PPP1R37: variants seen among roughly 807,000 people sequenced by gnomAD.
The protein encoded by PPP1R37 is protein phosphatase 1 regulatory subunit 37, also known as leucine rich repeat containing 68.
PPP1R37 carries 21 observed loss-of-function variants against 61.0 expected under a neutral mutation model. The observed-to-expected ratio is 0.34, with a 90% CI of 0.24 to 0.50. The LOEUF is 0.50. Among genes scored for constraint, PPP1R37 ranks in the 20% least tolerant of loss-of-function variants. PPP1R37 has a pLI of 0.98. For missense variants in PPP1R37, 910 were observed against 952.7 expected, an observed-to-expected ratio of 0.96 and a Z score of 0.59; for synonymous variants, 443 against 433.5, an observed-to-expected ratio of 1.02 and a Z score of -0.27.
At position 45,145,468 on chromosome 19, in the gene PPP1R37, C is replaced by G. The variant is rs935211194; in HGVS notation, c.1412C>G (p.Ser471Trp). 6.5e-7 allele frequency: 1 copy of G among 1,535,042 alleles called. No homozygotes were observed. The highest frequency in any genetic ancestry group is 1.2e-5 in the South Asian group (1 of 84,022). Residue 471 changes from serine to tryptophan, a missense_variant, in exon 11 of 13, where the codon TCG (serine) becomes TGG (tryptophan). By Grantham distance (177) the Ser-to-Trp change is radical. Coordinates refer to ENST00000221462, the MANE Select transcript of PPP1R37 (RefSeq NM_019121.2). ...GAGAAGGAGCAGCCGCCACAGCTGT[C>G]GGCCTCCATGCCTGAGACCACCGCC... ...REEKEQPPQLSASMPETTATE... is the reference protein window; with the variant it reads ...REEKEQPPQLWASMPETTATE...
chr19:45,141,695 G>A (rs10423079), intron 5 of PPP1R37, among the ~76,000 whole-genome samples: 5,369 of 152,282 alleles, frequency 0.035, 311 homozygotes, highest in African/African-American at 0.12. Context: ...TCATCCTTCT[G>A]TAATGTCATC....
intron 1 of PPP1R37, chr19:45,128,624 A>G (rs879207281): frequency 1.8e-5 from 23 of 1,265,410 alleles, no homozygotes; most frequent in South Asian, 1.7e-4. Context: ...CCTCCTTCCC[A>G]ATGCAGTGCT....
Position 45,142,199 on chromosome 19 carries a change from C to T in PPP1R37, c.706C>T (p.Leu236Phe). The change falls in exon 6 of 13, where the codon CTC becomes TTC. Residue 236 changes from leucine to phenylalanine, a missense_variant. By Grantham distance (22) the Leu-to-Phe change is conservative. This residue lies in a region of PPP1R37 where 280 missense variants were observed against 382.2 expected (regional missense o/e 0.73). Transcript: ENST00000221462. The stretch of plus-strand genomic sequence containing the variant: ...GAACGCCAGCCTGTCGGGGCGGCCC[C>T]TCATGCTGCTCGGTGAGCCCCAAGC... ...LENASLSGRPLMLLATALKMN... is the reference protein window; with the variant it reads ...LENASLSGRPFMLLATALKMN... The T allele has an allele frequency of 1.3e-6, 2 of 1,534,464 alleles. No individual in the cohort carries two copies. Among genetic ancestry groups the T allele is most frequent in the South Asian group, 2.4e-5 (2 of 83,836 alleles).
chr19:45,109,717 C>T (rs1968176365), intron 1 of PPP1R37, among the ~76,000 whole-genome samples: 1 of 152,192 alleles, frequency 6.6e-6, no homozygotes, highest in African/African-American at 2.4e-5. Context: ...GCCTGGACTC[C>T]CTCGTCTCCC....
chr19:45,146,245 T>TGTAC, intron 11 of PPP1R37, 145 bp from the exon 12 acceptor site: 1 of 859,586 alleles, frequency 1.2e-6, no homozygotes, highest in Non-Finnish European at 1.8e-6. Flanking sequence ...TGGGGGGGCA[T>TGTAC]GTAAGGTGTG....
intron 1 of PPP1R37, among the ~76,000 whole-genome samples, chr19:45,122,418 G>A (rs549023214): frequency 4.3e-4 from 65 of 152,242 alleles, no homozygotes; most frequent in African/African-American, 1.5e-3. Context: ...CATATTTATT[G>A]AGCACTTACT....
chr19:45,116,863 G>A (rs369822486), intron 1 of PPP1R37, among the ~76,000 whole-genome samples: 45 of 152,164 alleles, frequency 3.0e-4, no homozygotes, highest in African/African-American at 1.0e-3. Context: ...ATGGGGATGG[G>A]GGTGCTGCTA....
intron 1 of PPP1R37, among the ~76,000 whole-genome samples, chr19:45,115,639 G>A (rs1183062931): frequency 6.6e-6 from 1 of 152,156 alleles, no homozygotes; most frequent in Non-Finnish European, 1.5e-5. Flanking sequence ...AAATGAGGTA[G>A]TATATGTAAG....
chr19:45,130,232 C>T lies in PPP1R37; in HGVS notation c.203-8282C>T, dbSNP rs141246522. 1.3e-4 allele frequency among the ~76,000 whole-genome samples: 20 copies of T among 152,266 alleles called. No homozygotes were observed. The highest frequency in any genetic ancestry group is 4.1e-4 in the African/African-American group (17 of 41,544). ...TGCCATTCCTGACTGCCAACCTGCA[C>T]GATCAGGTCCCCTCCCCGTGAGTAC... On this transcript the variant is annotated intron_variant, in intron 1 of 12. Coordinates refer to ENST00000221462, the MANE Select transcript of PPP1R37 (RefSeq NM_019121.2). This position sits in a 1 kb window ranked among gnomAD's most constrained non-coding sequence, Gnocchi z 4.4.
chr19:45,123,168 G>T (rs1968362151), intron 1 of PPP1R37, among the ~76,000 whole-genome samples: 1 of 146,908 alleles, frequency 6.8e-6, no homozygotes, highest in Non-Finnish European at 1.5e-5. Context: ...CTCACTGATT[G>T]TGCAGAAGGC....
chr19:45,146,741 T>A lies in PPP1R37; in HGVS notation c.*179T>A. ...GTGCAGGAGCTACAGGGAGTGGCCC[T>A]CCGCGCGTGACTCAAGCACTTCTAT... On this transcript the variant is annotated 3_prime_UTR_variant, in exon 13 of 13. Coordinates refer to ENST00000221462, the MANE Select transcript of PPP1R37 (RefSeq NM_019121.2). The A allele has an allele frequency of 4.7e-6, 2 of 427,062 alleles. No individual in the cohort carries two copies. The highest frequency in any genetic ancestry group is 8.8e-6 in the Non-Finnish European group (2 of 228,546). 26.5% of individuals were successfully genotyped at this position (427,062 alleles called of 1,614,324 possible). A position where few individuals can be genotyped will look rare whatever the true frequency, so the allele number is the denominator to read the frequency against.
chr19:45,095,200 A>G (rs1967977301), intron 1 of PPP1R37, among the ~76,000 whole-genome samples: 1 of 152,014 alleles, frequency 6.6e-6, no homozygotes, highest in South Asian at 2.1e-4. Context: ...ACTTATTATA[A>G]TTTTTTAGAC....
chr19:45,103,514 T>C (rs1968090229), intron 1 of PPP1R37, among the ~76,000 whole-genome samples: 1 of 152,262 alleles, frequency 6.6e-6, no homozygotes, highest in South Asian at 2.1e-4. Flanking sequence ...TCCGAGGCTC[T>C]CACCAGCTGC....
chr19:45,144,995 G>T lies in PPP1R37; in HGVS notation c.1129G>T (p.Gly377Cys). The part of the protein sequence containing the change: ...GLASTKLTCE[G>C]AVAVAEFIAE... ...GGCCTCCACCAAGCTCACGTGCGAGGGTAGGGTACGGGGCCGGGCCAGGGT... is the reference window on the plus strand; with the variant it reads ...GGCCTCCACCAAGCTCACGTGCGAGTGTAGGGTACGGGGCCGGGCCAGGGT... Residue 377 changes from glycine to cysteine, a missense_variant and splice_region_variant, in exon 9 of 13, where the codon GGC becomes TGC. Gly to Cys is a radical substitution (Grantham distance 159, BLOSUM62 -3). Around this residue, in one of 3 missense-constraint regions of PPP1R37, gnomAD observed 549 missense variants for 505.1 expected, o/e 1.09. Coordinates refer to ENST00000221462, the MANE Select transcript of PPP1R37 (RefSeq NM_019121.2). 1 of 1,534,270 alleles carries T rather than the reference G, an allele frequency of 6.5e-7. No homozygotes were observed. The highest frequency in any genetic ancestry group is 8.7e-7 in the Non-Finnish European group (1 of 1,146,096).
intron 2 of PPP1R37, among the ~76,000 whole-genome samples, chr19:45,139,329 C>A (rs1453178105): frequency 6.6e-6 from 1 of 152,264 alleles, no homozygotes; most frequent in Non-Finnish European, 1.5e-5. Context: ...CCCAAGGCCC[C>A]CTCCTCGGGA....
intron 1 of PPP1R37, among the ~76,000 whole-genome samples, chr19:45,106,656 C>T (rs1179565279): frequency 6.6e-6 from 1 of 152,078 alleles, no homozygotes; most frequent in Non-Finnish European, 1.5e-5. Flanking sequence ...TTGCCTCAGC[C>T]TCCAGATTAG....
At position 45,124,206 on chromosome 19, in the gene PPP1R37, G is replaced by A. The variant is rs1968373743; in HGVS notation, c.203-14308G>A. ...GGGGCCTGACCTACCGTGGGGATCA[G>A]GGAGGGCTTCCTGGAGAAGGCATCC... On this transcript the variant is annotated intron_variant, in intron 1 of 12. Coordinates refer to ENST00000221462, the MANE Select transcript of PPP1R37 (RefSeq NM_019121.2). Among the ~76,000 whole-genome samples the A allele has an allele frequency of 2.6e-5, 4 of 152,220 alleles. No homozygotes were observed. In the South Asian group the frequency reaches 8.3e-4, roughly 32 times the overall value.
chr19:45,125,821 G>A (rs1476107602), intron 1 of PPP1R37, among the ~76,000 whole-genome samples: 5 of 152,204 alleles, frequency 3.3e-5, no homozygotes, highest in African/African-American at 1.2e-4. Flanking sequence ...GTCCACCCAG[G>A]GGAAGACAGG....
At chr19:45,098,519 C>T (rs549989687) in intron 1 of PPP1R37, among the ~76,000 whole-genome samples, 8 of 152,288 alleles carry the variant, frequency 5.3e-5, no homozygotes, top group East Asian at 1.9e-4. Flanking sequence ...AGTGTGTGTG[C>T]GTTGGGGGTT....
Sources: gnomAD v4.1 joint callset for allele counts (sites outside exome capture counted in the v4.1 genomes callset) on GRCh38, gnomAD v4.1.1 for gene constraint, gnomAD v4.1.1 regional missense constraint, Gnocchi (gnomAD v3.1) non-coding constraint, MANE v1.5 for transcripts, NCBI Gene and HGNC (gene_info 2026-07-23, HGNC 2026-07-21) for gene names.